PCDHA4: variants seen among roughly 807,000 people sequenced by gnomAD.
PCDHA4 encodes the protein protocadherin alpha-4.
In PCDHA4, 49 loss-of-function variants were observed where a neutral mutation model predicts 61.4. The observed-to-expected ratio is 0.80, with a 90% CI of 0.63 to 1.01. The LOEUF (loss-of-function observed/expected upper bound fraction) is 1.01. Ranked by LOEUF, PCDHA4 falls within the 50% of genes least tolerant of loss-of-function variation. The probability of loss-of-function intolerance (pLI) is 0.00; values close to 1 mark genes in which losing one functional copy is unlikely to be tolerated. For missense variants in PCDHA4, 1,254 were observed against 1,235.8 expected (o/e 1.01, Z -0.22); for synonymous variants, 590 against 550.3 (o/e 1.07, Z -1.01).
At chr5:140,823,458 G>T (rs1767715131) in intron 1 of PCDHA4, 1 of 1,613,278 alleles carries the variant, frequency 6.2e-7, no homozygotes, top group African/African-American at 1.3e-5. Flanking sequence ...ACGACAACGC[G>T]CCGGCGCTGC....
intron 1 of PCDHA4, chr5:140,829,839 G>T (rs2150175882): frequency 3.1e-6 from 5 of 1,613,930 alleles, no homozygotes; most frequent in Non-Finnish European, 4.2e-6. Context: ...CTGGTGCCGC[G>T]GTCACTGGGT....
Position 140,808,708 on chromosome 5 carries a change from C to G in PCDHA4, c.1521C>G (p.Tyr507Ter), listed in dbSNP as rs1212194365. The part of the protein sequence containing the change: ...RRVGERALSS[Y>*]VSVHAESGKV... ...TAGGGGAGCGCGCGCTGTCGAGCTA[C>G]GTTTCGGTGCATGCGGAGAGCGGCA... The change falls in exon 1 of 4, where the codon TAC becomes TAG. Residue 507 changes from tyrosine to a stop codon, truncating the protein, a stop_gained. Coordinates refer to ENST00000530339, the MANE Select transcript of PCDHA4 (RefSeq NM_018907.4). LOFTEE classifies it high-confidence loss of function. 2.0e-5 allele frequency: 32 copies of G among 1,612,022 alleles called. No individual in the cohort carries two copies. Among genetic ancestry groups the G allele is most frequent in the Non-Finnish European group, 2.5e-5 (30 of 1,179,812 alleles).
At chr5:141,007,498 G>T (rs936217793) in intron 3 of PCDHA4, among the ~76,000 whole-genome samples, 2 of 151,942 alleles carry the variant, frequency 1.3e-5, no homozygotes, top group Admixed American at 1.3e-4. Context: ...GACCTAGGAG[G>T]CAGAGACTGC....
At chr5:140,849,862 C>T (rs2150454518) in intron 1 of PCDHA4, 1 of 1,598,598 alleles carries the variant, frequency 6.3e-7, no homozygotes, top group African/African-American at 1.3e-5. Context: ...CCAGCGTTCG[C>T]GCAGTCCGAG....
At chr5:140,842,730 C>T (rs1302356073) in intron 1 of PCDHA4, 1 of 1,594,964 alleles carries the variant, frequency 6.3e-7, no homozygotes, top group Non-Finnish European at 8.6e-7. Flanking sequence ...AACAACCCGC[C>T]GGGCTGCCAC....
chr5:140,953,270 T>A (rs1362290837), intron 1 of PCDHA4, among the ~76,000 whole-genome samples: 6 of 152,152 alleles, frequency 3.9e-5, no homozygotes, highest in Non-Finnish European at 5.9e-5. Flanking sequence ...GCTTTAGCCT[T>A]TGCTCTTTAT....
intron 1 of PCDHA4, among the ~76,000 whole-genome samples, chr5:140,954,517 A>G (rs1554221451): frequency 6.6e-6 from 1 of 152,182 alleles, no homozygotes; most frequent in Non-Finnish European, 1.5e-5. Flanking sequence ...TTACCTAATG[A>G]TCAGTGATGT....
At position 140,812,147 on chromosome 5, in the gene PCDHA4, T is replaced by TTTGTTG. The variant is rs2126635624; in HGVS notation, c.2385+2587_2385+2592dup. The TTTGTTG allele has an allele frequency of 7.3e-5, 11 of 150,902 alleles. No individual in the cohort carries two copies. The East Asian group carries it at 1.2e-3, about 16-fold the overall frequency. The allele number at this position is 150,902 out of a possible 1,614,324, so 9.3% of individuals were successfully genotyped here. On this transcript the variant is annotated intron_variant, in intron 1 of 3. Transcript: ENST00000530339. ...CAGGAAAGATATCTGGTTTTGGGCTTTTGTTGTTGTTGTTGTTAGGAGGTT... is the reference window on the plus strand; with the variant it reads ...CAGGAAAGATATCTGGTTTTGGGCTTTTGTTGTTGTTGTTGTTGTTGTTAGGAGGTT...
intron 1 of PCDHA4, chr5:140,858,722 C>T: frequency 2.0e-6 from 1 of 497,160 alleles, no homozygotes. Context: ...GGTTGCAGTT[C>T]TGACGATTTA....
intron 1 of PCDHA4, chr5:140,967,218 C>G: frequency 6.2e-7 from 1 of 1,613,744 alleles, no homozygotes; most frequent in Non-Finnish European, 8.5e-7. Flanking sequence ...TTCCCGCGGC[C>G]CAACTACCAG....
chr5:140,823,969 A>C (rs1767949637), intron 1 of PCDHA4: 1 of 1,613,902 alleles, frequency 6.2e-7, no homozygotes, highest in Non-Finnish European at 8.5e-7. Flanking sequence ...GGCCGTGTGC[A>C]CACGGGGCAA....
chr5:141,003,540 T>A (rs2098129225), intron 3 of PCDHA4, among the ~76,000 whole-genome samples: 1 of 152,188 alleles, frequency 6.6e-6, no homozygotes, highest in Non-Finnish European at 1.5e-5. Flanking sequence ...CTTGAACTCC[T>A]GGCTTCAAGT....
chr5:140,871,137 T>C, intron 1 of PCDHA4: 1 of 1,613,416 alleles, frequency 6.2e-7, no homozygotes, highest in East Asian at 2.2e-5. Flanking sequence ...CAAAGGCCTC[T>C]TCCCGGACTT....
At chr5:140,854,157 C>G in intron 1 of PCDHA4, 1 of 165,326 alleles carries the variant, frequency 6.0e-6, no homozygotes. Flanking sequence ...AAGATTCTGT[C>G]TCAAAAAAAA....
chr5:140,807,096 GA>G lies in PCDHA4; in HGVS notation c.-91del. On this transcript the variant is annotated 5_prime_UTR_variant, in exon 1 of 4. It removes the in-frame stop codon of an upstream open reading frame in the 5' UTR. Transcript: ENST00000530339. ...TACACTCTTTGGAGTCTGAAATATGGAGGATGCAGCTGCACTTGACTGACCG... is the reference window on the plus strand; with the variant it reads ...TACACTCTTTGGAGTCTGAAATATGGGGATGCAGCTGCACTTGACTGACCG... The G allele has an allele frequency of 7.2e-7, 1 of 1,390,120 alleles. No homozygotes were observed. The highest frequency in any genetic ancestry group is 9.9e-7 in the Non-Finnish European group (1 of 1,013,320). 86.1% of individuals were successfully genotyped at this position (1,390,120 alleles called of 1,614,324 possible).
rs1581023239 is a variant in PCDHA4, at chr5:140,842,959, C to T, written c.2385+33387C>T. Reference sequence around the variant, plus strand: ...GCGACGCGGGCGTGCCGCCTCTGGGCAGCAACGTGACGCTGCAGGTGTTCG... The same window carrying T: ...GCGACGCGGGCGTGCCGCCTCTGGGTAGCAACGTGACGCTGCAGGTGTTCG... On this transcript the variant is annotated intron_variant, in intron 1 of 3. Transcript: ENST00000530339. The T allele has an allele frequency of 1.9e-6, 3 of 1,594,954 alleles. No individual in the cohort carries two copies. The East Asian group carries it at 6.7e-5, about 36-fold the overall frequency.
intron 1 of PCDHA4, among the ~76,000 whole-genome samples, chr5:140,880,555 T>C (rs1250449659): frequency 1.3e-5 from 2 of 152,134 alleles, no homozygotes; most frequent in Admixed American, 6.6e-5. Context: ...CTGATGGAAA[T>C]GAGGTTGAGA....
chr5:140,887,335 A>G (rs1360547523), intron 1 of PCDHA4, among the ~76,000 whole-genome samples: 1 of 152,102 alleles, frequency 6.6e-6, no homozygotes, highest in African/African-American at 2.4e-5. Flanking sequence ...TGACCTCGTG[A>G]TCCACCTGGC....
chr5:140,841,601 G>A (rs2150319014), intron 1 of PCDHA4: 29 of 1,614,018 alleles, frequency 1.8e-5, no homozygotes, highest in South Asian at 8.8e-5. Context: ...CGACCGCGAG[G>A]AGCTGTGCGG....
Sources: gnomAD v4.1 joint callset for allele counts (sites outside exome capture counted in the v4.1 genomes callset) on GRCh38, gnomAD v4.1.1 for gene constraint, MANE v1.5 for transcripts, NCBI Gene and HGNC (gene_info 2026-07-23, HGNC 2026-07-21) for gene names.